ACP3: variants seen among roughly 807,000 people sequenced by gnomAD.
ACP3 encodes the protein acid phosphatase 3.
ACP3 carries 38 observed loss-of-function variants against 45.6 expected under a neutral mutation model. That is an observed-to-expected ratio of 0.83 (90% CI 0.64 to 1.09). The LOEUF (loss-of-function observed/expected upper bound fraction) is 1.09. ACP3 is among the 50% of genes least tolerant of loss of function. ACP3 has a pLI of 0.00. For missense variants in ACP3, 466 were observed against 463.2 expected, an observed-to-expected ratio of 1.01 and a Z score of -0.05; for synonymous variants, 162 against 164.7, an observed-to-expected ratio of 0.98 and a Z score of 0.13.
At chr3:132,321,745 AG>A (rs1003388130) in intron 1 of ACP3, among the ~76,000 whole-genome samples, 6 of 152,116 alleles carry the variant, frequency 3.9e-5, no homozygotes, top group Admixed American at 3.9e-4. Context: ...AAATTAACAG[AG>A]GTATGTCTCG....
downstream of ACP3, among the ~76,000 whole-genome samples, chr3:132,361,734 A>G (rs981041574): frequency 1.3e-5 from 2 of 152,228 alleles, no homozygotes; most frequent in South Asian, 2.1e-4. Context: ...AAGATAATCT[A>G]TTGATAAGTC....
At chr3:132,320,431 C>T (rs967353539) in intron 1 of ACP3, among the ~76,000 whole-genome samples, 3 of 152,244 alleles carry the variant, frequency 2.0e-5, no homozygotes, top group Non-Finnish European at 2.9e-5. Context: ...TTATTTCATG[C>T]ACCATATCAT....
chr3:132,356,520 G>A (rs957658742), intron 9 of ACP3, among the ~76,000 whole-genome samples, 166 bp from the exon 10 acceptor site: 19 of 151,788 alleles, frequency 1.3e-4, no homozygotes, highest in African/African-American at 3.9e-4. Flanking sequence ...AATCTCTCCC[G>A]CCTGCCCCAG....
chr3:132,343,897 G>A (rs2107807911), intron 6 of ACP3, among the ~76,000 whole-genome samples: 1 of 152,204 alleles, frequency 6.6e-6, no homozygotes, highest in Non-Finnish European at 1.5e-5. Flanking sequence ...CTTCTGGGAG[G>A]CTGAGATGGG....
At chr3:132,365,320 G>A (rs1938112215) in intron 10 of ACP3, among the ~76,000 whole-genome samples, 2 of 152,144 alleles carry the variant, frequency 1.3e-5, no homozygotes, top group Admixed American at 6.5e-5. Context: ...AGTGAAGGAG[G>A]ATATACAAGA....
At chr3:132,327,347 C>G (rs1028343858) in intron 1 of ACP3, among the ~76,000 whole-genome samples, 2 of 151,546 alleles carry the variant, frequency 1.3e-5, no homozygotes, top group African/African-American at 4.9e-5. Context: ...AACCCCATCT[C>G]TACTAAAAAT....
At chr3:132,348,575 A>G (rs1443384870) in intron 7 of ACP3, among the ~76,000 whole-genome samples, 3 of 152,186 alleles carry the variant, frequency 2.0e-5, no homozygotes, top group Non-Finnish European at 2.9e-5. Context: ...ACAAAGGGCA[A>G]CTTGCTGATT....
intron 1 of ACP3, 28 bp from the exon 2 acceptor site, chr3:132,328,239 A>G: frequency 1.9e-6 from 3 of 1,547,394 alleles, no homozygotes; most frequent in South Asian, 1.1e-5. Flanking sequence ...TGACGTTTGT[A>G]ACATCACTCT....
rs1487908492 is a variant in ACP3, at chr3:132,348,813, TAC to T, written c.782-1106_782-1105del. ...TACCTCCTTAATTAACCCTTTTTTA[TAC>T]TTACTGGTGTACAGACCTGTCTCTT... On this transcript the variant is annotated intron_variant, in intron 7 of 9. Coordinates refer to ENST00000336375, the MANE Select transcript of ACP3 (RefSeq NM_001099.5). 2.6e-5 allele frequency among the ~76,000 whole-genome samples: 4 copies of T among 152,344 alleles called. No homozygotes were observed. In the East Asian group the frequency reaches 7.7e-4, roughly 29 times the overall value.
intron 1 of ACP3, among the ~76,000 whole-genome samples, chr3:132,320,416 T>C (rs777245871): frequency 6.6e-6 from 1 of 152,188 alleles, no homozygotes; most frequent in Non-Finnish European, 1.5e-5. Flanking sequence ...CTTGAGTTTT[T>C]TAAGTTATTT....
intron 2 of ACP3, 94 bp from the exon 3 acceptor site, chr3:132,331,553 A>T: frequency 1.1e-6 from 1 of 890,302 alleles, no homozygotes; most frequent in Non-Finnish European, 1.7e-6. Context: ...TTCATTCTAC[A>T]CACATAATGA....
At chr3:132,318,381 T>C (rs16839088) in intron 1 of ACP3, among the ~76,000 whole-genome samples, 12,357 of 151,454 alleles carry the variant, frequency 0.082, 585 homozygotes, top group Middle Eastern at 0.16. Flanking sequence ...TACATTTTTT[T>C]ATTTGAGATA....
At position 132,357,450 on chromosome 3, in the gene ACP3, C is replaced by G. The variant is rs769611339; in HGVS notation, c.*572C>G. 1.1e-5 allele frequency: 11 copies of G among 985,274 alleles called. No individual in the cohort carries two copies. Among genetic ancestry groups the G allele is most frequent in the Non-Finnish European group, 1.3e-5 (11 of 829,810 alleles). 61.0% of individuals were successfully genotyped at this position (985,274 alleles called of 1,614,324 possible). On this transcript the variant is annotated 3_prime_UTR_variant, in exon 10 of 10. Coordinates refer to ENST00000336375, the MANE Select transcript of ACP3 (RefSeq NM_001099.5). ...AGTTTTCTCCACTGGAAAACTGCTA[C>G]TATCTGTTTTTATATTTCTGTTAAA...
At chr3:132,342,450 A>T (rs376605910) in intron 5 of ACP3, 102 bp from the exon 6 acceptor site, 1 of 761,670 alleles carries the variant, frequency 1.3e-6, no homozygotes, top group African/African-American at 1.8e-5. Context: ...TATAATGCAC[A>T]GGAGAGCTCC....
intron 7 of ACP3, among the ~76,000 whole-genome samples, chr3:132,345,919 T>A (rs1236146783): frequency 6.6e-6 from 1 of 152,122 alleles, no homozygotes; most frequent in Non-Finnish European, 1.5e-5. Context: ...TCATAGGTAT[T>A]AAAACTAGGG....
At position 132,353,192 on chromosome 3, in the gene ACP3, C is replaced by T. The variant is rs139062553; in HGVS notation, c.968+369C>T. Among the ~76,000 whole-genome samples, 25 of 152,272 alleles carry T rather than the reference C, an allele frequency of 1.6e-4. No homozygotes were observed. In the East Asian group the frequency reaches 4.2e-3, roughly 26 times the overall value. On this transcript the variant is annotated intron_variant, in intron 9 of 9. Coordinates refer to ENST00000336375, the MANE Select transcript of ACP3 (RefSeq NM_001099.5). ...ATTAAAGAATTCAAACATATTCATT[C>T]AGCTTCTGATGATTCATATCCACAA... is the stretch of plus-strand genomic sequence containing the variant.
At chr3:132,335,577 G>C (rs976782159) in intron 4 of ACP3, among the ~76,000 whole-genome samples, 1 of 152,202 alleles carries the variant, frequency 6.6e-6, no homozygotes, top group Non-Finnish European at 1.5e-5. Flanking sequence ...AGATGATAAA[G>C]AAGTAAAATA....
intron 5 of ACP3, among the ~76,000 whole-genome samples, 163 bp downstream of exon 5, chr3:132,337,717 T>G (rs1323420730): frequency 1.3e-5 from 2 of 152,054 alleles, no homozygotes; most frequent in Non-Finnish European, 2.9e-5. Context: ...ATGAGGGAGG[T>G]CATCACTCCT....
chr3:132,352,368 T>TTTTC (rs1362428438), intron 8 of ACP3, among the ~76,000 whole-genome samples: 1 of 150,924 alleles, frequency 6.6e-6, no homozygotes, highest in African/African-American at 2.4e-5. Context: ...CAGCTTTTTT[T>TTTTC]TTTTTTTTTA....
Sources: allele counts gnomAD v4.1 joint callset (sites outside exome capture counted in the v4.1 genomes callset), GRCh38; gene constraint gnomAD v4.1.1; transcripts MANE v1.5; gene names NCBI Gene and HGNC (gene_info 2026-07-23, HGNC 2026-07-21).